Variants in WDR20 observed in about 807,000 individuals in gnomAD.
WDR20 encodes the protein WD repeat-containing protein 20.
Under a neutral mutation model 38.7 loss-of-function variants are expected in WDR20, and 3 were observed. The ratio of observed to expected loss-of-function variants is 0.08; its 90% CI spans 0.04 to 0.20. The LOEUF is 0.20. WDR20 is among the 10% of genes least tolerant of loss of function. WDR20 has a pLI of 1.00. For synonymous variants in WDR20, 298 were observed against 285.6 expected, an observed-to-expected ratio of 1.04 and a Z score of -0.44; for missense variants, 559 against 727.7, an observed-to-expected ratio of 0.77 and a Z score of 2.67.
At position 102,208,730 on chromosome 14, in the gene WDR20, C is replaced by T. The variant is rs1168059634; in HGVS notation, c.560C>T (p.Ala187Val). ...YNVEHTCGTT[A>V]PHYQLLKQGE... The stretch of plus-strand genomic sequence containing the variant: ...GTGGAGCACACTTGTGGCACCACAG[C>T]CCCCCACTACCAGCTTCTGAAGCAG... Residue 187 changes from alanine to valine, a missense_variant, in exon 3 of 3, where the codon GCC becomes GTC. By Grantham distance (64) the Ala-to-Val change is moderately conservative. Coordinates refer to ENST00000342702, the MANE Select transcript of WDR20 (RefSeq NM_144574.4). The surrounding 1 kb of genome is among the most constrained non-coding windows in gnomAD (Gnocchi z 5.6). 3 of 1,614,056 alleles carry T rather than the reference C, an allele frequency of 1.9e-6. No individual in the cohort carries two copies. The highest frequency in any genetic ancestry group is 1.3e-5 in the African/African-American group (1 of 74,912).
At chr14:102,146,680 C>T (rs764556418) in intron 1 of WDR20, among the ~76,000 whole-genome samples, 1 of 152,108 alleles carries the variant, frequency 6.6e-6, no homozygotes, top group Non-Finnish European at 1.5e-5. Flanking sequence ...GGAGGAATTC[C>T]TGCTTTGTGT....
rs969669303 is a variant in WDR20 at position 102,220,813 on chromosome 14, C to G, written c.1693-2017C>G. Among the ~76,000 whole-genome samples, 7 of 152,160 alleles carry G rather than the reference C, an allele frequency of 4.6e-5. No homozygotes were observed. Among genetic ancestry groups the G allele is most frequent in the Non-Finnish European group, 7.3e-5 (5 of 68,028 alleles). On this transcript the variant is annotated intron_variant, in intron 3 of 3. Coordinates refer to the WDR20 transcript ENST00000335263. The surrounding 1 kb of genome is among the most constrained non-coding windows in gnomAD (Gnocchi z 4.2). ...TTTGAGACAGGGTCTTGCTCTATCCCCCAGGCTGGAGTGCAGTGGATCGCG... is the reference window on the plus strand; with the variant it reads ...TTTGAGACAGGGTCTTGCTCTATCCGCCAGGCTGGAGTGCAGTGGATCGCG...
intron 1 of WDR20, among the ~76,000 whole-genome samples, chr14:102,147,706 A>T (rs180775796): frequency 4.8e-4 from 73 of 152,292 alleles, no homozygotes; most frequent in Non-Finnish European, 9.1e-4. Flanking sequence ...TGTATGGCTA[A>T]AGAACCTTGT....
chr14:102,151,619 G>A (rs1435755765), intron 1 of WDR20, among the ~76,000 whole-genome samples: 1 of 151,814 alleles, frequency 6.6e-6, no homozygotes, highest in Non-Finnish European at 1.5e-5. Context: ...TCTTGCCTGG[G>A]TTCAAACGAT....
intron 1 of WDR20, among the ~76,000 whole-genome samples, chr14:102,161,142 A>ATATATATATATTTTT: frequency 6.2e-5 from 1 of 16,050 alleles, no homozygotes; most frequent in Non-Finnish European, 9.5e-5. Flanking sequence ...ATATATATAT[A>ATATATATATATTTTT]TTTTTTTTTT....
chr14:102,139,796 G>T (rs1446253114), upstream of WDR20: 8 of 1,413,500 alleles, frequency 5.7e-6, no homozygotes, highest in Middle Eastern at 2.1e-4. Context: ...CCCTCGCAGG[G>T]CTGGCCCGCG....
chr14:102,200,509 T>G (rs1255097957), intron 2 of WDR20, among the ~76,000 whole-genome samples: 3 of 128,176 alleles, frequency 2.3e-5, no homozygotes, highest in East Asian at 4.6e-4. Flanking sequence ...GTGTGTGTGT[T>G]TCACTCTGCC....
In WDR20 at chr14:102,220,150, C is replaced by T. The variant is rs910049651; in HGVS notation, c.1693-2680C>T. Among the ~76,000 whole-genome samples, 5 of 152,220 alleles carry T rather than the reference C, an allele frequency of 3.3e-5. No individual in the cohort carries two copies. The highest frequency in any genetic ancestry group is 2.0e-4 in the Admixed American group (3 of 15,288). On this transcript the variant is annotated intron_variant, in intron 3 of 3. Transcript: ENST00000335263. The surrounding 1 kb of genome is among the most constrained non-coding windows in gnomAD (Gnocchi z 4.2). ...TCAGGCTCTGGCAGCCTGGTGGCTG[C>T]GCCACCTCTGCGTCTCAGCAGCCGC...
At chr14:102,213,412 C>G (rs2062804419), downstream of WDR20, 2 of 985,320 alleles carry the variant, frequency 2.0e-6, no homozygotes. Flanking sequence ...CTGATTGAAC[C>G]TTCTAGCAGT....
chr14:102,209,628 C>G lies in WDR20; in HGVS notation c.1458C>G (p.His486Gln). ...KDHKRNHSMGHISSKSSDKLN... is the reference protein window; with the variant it reads ...KDHKRNHSMGQISSKSSDKLN... Reference sequence around the variant, plus strand: ...ACAAGCGAAATCATAGCATGGGACACATTTCTAGCAAGAGCAGTGACAAAC... The same window carrying G: ...ACAAGCGAAATCATAGCATGGGACAGATTTCTAGCAAGAGCAGTGACAAAC... Residue 486 changes from histidine (H) to glutamine (Q), a missense_variant, in exon 3 of 3, where the codon CAC (histidine) becomes CAG (glutamine). His to Gln is a conservative substitution (Grantham distance 24). Coordinates refer to ENST00000342702, the MANE Select transcript of WDR20 (RefSeq NM_144574.4). This position sits in a 1 kb window ranked among gnomAD's most constrained non-coding sequence, Gnocchi z 6.0. The G allele has an allele frequency of 6.2e-7, 1 of 1,614,174 alleles. No homozygotes were observed. Among genetic ancestry groups the G allele is most frequent in the Non-Finnish European group, 8.5e-7 (1 of 1,180,038 alleles).
At chr14:102,146,310 A>G (rs572026533) in intron 1 of WDR20, among the ~76,000 whole-genome samples, 1 of 152,064 alleles carries the variant, frequency 6.6e-6, no homozygotes, top group African/African-American at 2.4e-5. Flanking sequence ...GATTACAGGC[A>G]CTTGCCACCA....
rs531220938 is a variant in WDR20, at chr14:102,202,623, G to A, written c.433-5980G>A. 3.0e-3 allele frequency among the ~76,000 whole-genome samples: 452 copies of A among 151,974 alleles called. 1 individual carries two copies. The highest frequency in any genetic ancestry group is 5.3e-3 in the Non-Finnish European group (363 of 67,954). ...TCTCGATCTCCTGACCTCGTGATCC[G>A]CCCGCCTTGGCCTCCCAAAGTACTG... On this transcript the variant is annotated intron_variant, in intron 2 of 2. Coordinates refer to ENST00000342702, the MANE Select transcript of WDR20 (RefSeq NM_144574.4).
intron 1 of WDR20, among the ~76,000 whole-genome samples, chr14:102,159,713 A>T (rs2058224226): frequency 6.6e-6 from 1 of 152,054 alleles, no homozygotes; most frequent in Admixed American, 6.6e-5. Flanking sequence ...CTGTGCCTGT[A>T]GTCCCAGCTA....
chr14:102,222,926 G>T lies in WDR20; in HGVS notation c.*43G>T, dbSNP rs371961127. On this transcript the variant is annotated 3_prime_UTR_variant, in exon 4 of 4. Coordinates refer to the WDR20 transcript ENST00000335263. This position sits in a 1 kb window ranked among gnomAD's most constrained non-coding sequence, Gnocchi z 4.4. ...GCACAGTCTCCCGGGACTTGGACTCGAGGGAGTGACGAGGAGGAGCTCCGA... is the reference window on the plus strand; with the variant it reads ...GCACAGTCTCCCGGGACTTGGACTCTAGGGAGTGACGAGGAGGAGCTCCGA... 2.4e-4 allele frequency: 388 copies of T among 1,612,184 alleles called. No individual in the cohort carries two copies. The highest frequency in any genetic ancestry group is 3.1e-4 in the Non-Finnish European group (366 of 1,178,692).
At chr14:102,194,006 C>T (rs2058988085) in intron 1 of WDR20, among the ~76,000 whole-genome samples, 1 of 152,136 alleles carries the variant, frequency 6.6e-6, no homozygotes, top group Non-Finnish European at 1.5e-5. Flanking sequence ...ATTGAAAAAT[C>T]ACTTTTCACC....
chr14:102,144,730 A>C (rs1308438513), intron 1 of WDR20, among the ~76,000 whole-genome samples: 1 of 151,252 alleles, frequency 6.6e-6, no homozygotes, highest in East Asian at 2.0e-4. Context: ...TTGAGACAGA[A>C]TCTTGCTCTG....
At chr14:102,184,760 T>C (rs1162129469) in intron 1 of WDR20, among the ~76,000 whole-genome samples, 1 of 152,228 alleles carries the variant, frequency 6.6e-6, no homozygotes, top group Non-Finnish European at 1.5e-5. Flanking sequence ...TACATCTTGC[T>C]ATTTGCTGAC....
chr14:102,174,846 ATCT>A (rs1310153518), intron 1 of WDR20, among the ~76,000 whole-genome samples: 2 of 152,104 alleles, frequency 1.3e-5, no homozygotes, highest in African/African-American at 2.4e-5. Flanking sequence ...CAATTTGTAT[ATCT>A]TCTTTTGAGA....
At chr14:102,153,458 C>T (rs1197921086) in intron 1 of WDR20, among the ~76,000 whole-genome samples, 2 of 151,942 alleles carry the variant, frequency 1.3e-5, no homozygotes, top group Non-Finnish European at 2.9e-5. Flanking sequence ...AGGCGCCCAC[C>T]ACCACGCCTG....
Sources: allele counts gnomAD v4.1 joint callset (sites outside exome capture counted in the v4.1 genomes callset), GRCh38; gene constraint gnomAD v4.1.1; non-coding constraint Gnocchi (gnomAD v3.1); transcripts MANE v1.5; gene names NCBI Gene and HGNC (gene_info 2026-07-23, HGNC 2026-07-21).